TNR: variants seen among roughly 807,000 people sequenced by gnomAD.
The protein encoded by TNR is tenascin R, also known as tenascin-R.
TNR carries 45 observed loss-of-function variants against 150.4 expected under a neutral mutation model. The ratio of observed to expected loss-of-function variants is 0.30; its 90% confidence interval spans 0.24 to 0.38. TNR has a LOEUF of 0.38. TNR is among the 10% of genes least tolerant of loss of function. The pLI, the probability that TNR is intolerant of heterozygous loss-of-function variation, is 1.00. For missense variants in TNR, 1,544 were observed against 1,759.1 expected (o/e 0.88, Z 2.19); for synonymous variants, 687 against 678.4 (o/e 1.01, Z -0.20).
chr1:175,543,405 A>G (rs1660574384), intron 1 of TNR, among the ~76,000 whole-genome samples: 1 of 152,190 alleles, frequency 6.6e-6, no homozygotes, highest in South Asian at 2.1e-4. Flanking sequence ...CAGAGAGAGT[A>G]CTTTTAATAT....
chr1:175,383,803 A>T (rs1319544051), intron 8 of TNR, among the ~76,000 whole-genome samples: 1 of 152,076 alleles, frequency 6.6e-6, no homozygotes, highest in Non-Finnish European at 1.5e-5. Context: ...AGGCCTGGAG[A>T]ATCTGTCTGC....
intron 18 of TNR, among the ~76,000 whole-genome samples, chr1:175,347,712 C>T (rs368734435): frequency 7.2e-5 from 11 of 151,984 alleles, no homozygotes; most frequent in South Asian, 6.3e-4. Flanking sequence ...TGAGCCACTG[C>T]GCCTGGCCTA....
intron 1 of TNR, among the ~76,000 whole-genome samples, chr1:175,616,819 C>T (rs1447089537): frequency 1.3e-5 from 2 of 152,192 alleles, no homozygotes; most frequent in Non-Finnish European, 2.9e-5. Context: ...TCCTGTGTGG[C>T]TGACTGCATG....
intron 2 of TNR, among the ~76,000 whole-genome samples, chr1:175,431,608 G>A (rs932039904): frequency 1.3e-5 from 2 of 152,014 alleles, no homozygotes; most frequent in African/African-American, 4.8e-5. Context: ...TCTCCTAGGT[G>A]GCCAGGAAAG....
chr1:175,706,078 AC>A (rs1666836147), intron 1 of TNR, among the ~76,000 whole-genome samples: 2 of 152,046 alleles, frequency 1.3e-5, no homozygotes, highest in South Asian at 4.1e-4. Context: ...ACCCCCGCCA[AC>A]CCCCCACCAA....
chr1:175,609,482 C>T (rs568926496), intron 1 of TNR, among the ~76,000 whole-genome samples: 1 of 152,282 alleles, frequency 6.6e-6, no homozygotes, highest in Non-Finnish European at 1.5e-5. Flanking sequence ...ATCTTTCTGA[C>T]AGTCTGTTGC....
chr1:175,482,796 C>G (rs1415813929), intron 2 of TNR, among the ~76,000 whole-genome samples: 1 of 152,186 alleles, frequency 6.6e-6, no homozygotes, highest in African/African-American at 2.4e-5. Flanking sequence ...CTCTAAGTTT[C>G]TATAAAATGT....
Position 175,482,669 on chromosome 1 carries a change from A to G in TNR, c.-64+45600T>C, listed in dbSNP as rs543187474. 2.6e-5 allele frequency among the ~76,000 whole-genome samples: 4 copies of G among 152,310 alleles called. No individual in the cohort carries two copies. In the East Asian group the frequency reaches 7.7e-4, roughly 29 times the overall value. ...TCCAGCCTGGCACTTCATAATTATCAATTGAGTATATTAATATGAATGAAT... is the reference window on the plus strand; with the variant it reads ...TCCAGCCTGGCACTTCATAATTATCGATTGAGTATATTAATATGAATGAAT... On this transcript the variant is annotated intron_variant, in intron 2 of 22. Coordinates refer to ENST00000367674, the MANE Select transcript of TNR (RefSeq NM_003285.3).
At chr1:175,444,992 C>A (rs997366262) in intron 2 of TNR, among the ~76,000 whole-genome samples, 1 of 152,076 alleles carries the variant, frequency 6.6e-6, no homozygotes, top group Non-Finnish European at 1.5e-5. Context: ...CTGAGGCAGC[C>A]GGGCGCGGTG....
intron 1 of TNR, among the ~76,000 whole-genome samples, chr1:175,533,083 A>G (rs1660137081): frequency 1.3e-5 from 2 of 152,236 alleles, no homozygotes; most frequent in Non-Finnish European, 1.5e-5. Flanking sequence ...TGCTTTGTCA[A>G]TAATGGTAAA....
intron 1 of TNR, among the ~76,000 whole-genome samples, chr1:175,717,217 A>T (rs1275113156): frequency 6.6e-6 from 1 of 152,176 alleles, no homozygotes; most frequent in East Asian, 1.9e-4. Context: ...TATGTTTTTT[A>T]AAATCTCGGT....
chr1:175,544,077 G>C (rs552666351), intron 1 of TNR, among the ~76,000 whole-genome samples: 16 of 152,302 alleles, frequency 1.1e-4, no homozygotes, highest in African/African-American at 3.8e-4. Context: ...GCAAGGTTTG[G>C]TTATGAAAAA....
chr1:175,490,508 A>C (rs1226187765), intron 2 of TNR, among the ~76,000 whole-genome samples: 2 of 152,206 alleles, frequency 1.3e-5, no homozygotes, highest in Non-Finnish European at 2.9e-5. Context: ...GTCTATAAGG[A>C]ACTTACACAA....
chr1:175,476,137 C>T (rs73044462), intron 2 of TNR, among the ~76,000 whole-genome samples: 9,451 of 152,170 alleles, frequency 0.062, 616 homozygotes, highest in African/African-American at 0.16. Flanking sequence ...CTCCACTCCA[C>T]CCTTGGGCAT....
intron 1 of TNR, among the ~76,000 whole-genome samples, chr1:175,563,252 A>T (rs1661501794): frequency 6.6e-6 from 1 of 152,248 alleles, no homozygotes; most frequent in Non-Finnish European, 1.5e-5. Flanking sequence ...AAGGGAATGG[A>T]GAAAGCCAGT....
chr1:175,674,108 G>T (rs879329648), intron 1 of TNR, among the ~76,000 whole-genome samples: 1 of 152,150 alleles, frequency 6.6e-6, no homozygotes, highest in Non-Finnish European at 1.5e-5. Context: ...GGGAGTGAGG[G>T]TCTAAAACCA....
chr1:175,568,217 AC>A (rs1362768229), intron 1 of TNR, among the ~76,000 whole-genome samples: 1 of 151,952 alleles, frequency 6.6e-6, no homozygotes, highest in African/African-American at 2.4e-5. Context: ...ATATACTATC[AC>A]CCTCATATAG....
chr1:175,690,235 C>CTGT (rs1666320972), intron 1 of TNR, among the ~76,000 whole-genome samples: 3 of 152,202 alleles, frequency 2.0e-5, no homozygotes, highest in Admixed American at 2.0e-4. Flanking sequence ...GTGTGGGGTA[C>CTGT]TGTTATAGGC....
intron 1 of TNR, among the ~76,000 whole-genome samples, chr1:175,702,299 C>A (rs181123667): frequency 6.6e-6 from 1 of 152,166 alleles, no homozygotes; most frequent in Non-Finnish European, 1.5e-5. Flanking sequence ...CCCACTGAGA[C>A]GCCTGCTCAG....
Sources: gnomAD v4.1 joint callset for allele counts (sites outside exome capture counted in the v4.1 genomes callset) on GRCh38, gnomAD v4.1.1 for gene constraint, MANE v1.5 for transcripts, NCBI Gene and HGNC (gene_info 2026-07-23, HGNC 2026-07-21) for gene names.